Variants in MAD1L1 observed in about 807,000 individuals in gnomAD.
MAD1L1 encodes mitotic spindle assembly checkpoint protein MAD1.
MAD1L1 carries 95 observed loss-of-function variants against 96.9 expected under a neutral mutation model. The ratio of observed to expected loss-of-function variants is 0.98; its 90% CI spans 0.83 to 1.16. The LOEUF is 1.16. Ranked by LOEUF, MAD1L1 falls within the 50% of genes most tolerant of loss-of-function variation. The pLI is 0.00. For missense variants in MAD1L1, 1,007 were observed against 954.4 expected (o/e 1.06, Z -0.73); for synonymous variants, 473 against 396.6 (o/e 1.19, Z -2.29).
Position 2,105,084 on chromosome 7 carries a change from T to C in MAD1L1, c.1074-35746A>G, listed in dbSNP as rs1042938384. On this transcript the variant is annotated intron_variant, in intron 11 of 18. Coordinates refer to ENST00000265854, the MANE Select transcript of MAD1L1 (RefSeq NM_001013836.2). ...GGCCGGACACCGCAGTGAGGGGCTGTTCTGAAAAGAGGTCTGCCGGGAAGA... is the reference window on the plus strand; with the variant it reads ...GGCCGGACACCGCAGTGAGGGGCTGCTCTGAAAAGAGGTCTGCCGGGAAGA... Among the ~76,000 whole-genome samples, 80 of 152,290 alleles carry C rather than the reference T, an allele frequency of 5.3e-4. 1 individual carries two copies. Among genetic ancestry groups the C allele is most frequent in the African/African-American group, 1.8e-3 (76 of 41,560 alleles).
intron 16 of MAD1L1, among the ~76,000 whole-genome samples, chr7:1,945,920 G>A (rs1238511621): frequency 1.3e-5 from 2 of 152,162 alleles, no homozygotes; most frequent in Non-Finnish European, 2.9e-5. Flanking sequence ...GCAGCCTCAA[G>A]ATCCTCCTAC....
intron 13 of MAD1L1, among the ~76,000 whole-genome samples, chr7:2,003,723 C>T (rs1002677314): frequency 3.3e-5 from 5 of 152,180 alleles, no homozygotes; most frequent in Non-Finnish European, 5.9e-5. Flanking sequence ...TGACCAGCCC[C>T]GCCTGCTGCC....
At chr7:1,850,662 C>G (rs1165033289) in intron 18 of MAD1L1, among the ~76,000 whole-genome samples, 1 of 152,188 alleles carries the variant, frequency 6.6e-6, no homozygotes, top group Non-Finnish European at 1.5e-5. Flanking sequence ...CATGGTTGCC[C>G]AAGTTCGCAG....
intron 11 of MAD1L1, among the ~76,000 whole-genome samples, chr7:2,102,798 G>A (rs191443698): frequency 3.3e-5 from 5 of 150,946 alleles, no homozygotes; most frequent in Admixed American, 6.6e-5. Flanking sequence ...GGCCGTCACC[G>A]TCTCCACCGT....
intron 11 of MAD1L1, among the ~76,000 whole-genome samples, chr7:2,140,783 G>A (rs1302016721): frequency 6.6e-6 from 1 of 152,222 alleles, no homozygotes; most frequent in African/African-American, 2.4e-5. Flanking sequence ...CTGGCTTCTG[G>A]AACAATCTCC....
intron 17 of MAD1L1, among the ~76,000 whole-genome samples, chr7:1,921,376 T>C (rs1287491402): frequency 6.6e-6 from 1 of 151,806 alleles, no homozygotes; most frequent in African/African-American, 2.4e-5. Flanking sequence ...TGGAGTGCAA[T>C]GGTGTGATTT....
chr7:1,905,867 T>C (rs577009516), intron 17 of MAD1L1, among the ~76,000 whole-genome samples: 6 of 152,180 alleles, frequency 3.9e-5, no homozygotes, highest in Middle Eastern at 3.4e-3. Flanking sequence ...CTGGCCAACA[T>C]GGTGAAACCC....
chr7:1,949,741 G>C (rs1414051119), intron 16 of MAD1L1, among the ~76,000 whole-genome samples: 1 of 152,244 alleles, frequency 6.6e-6, no homozygotes, highest in East Asian at 1.9e-4. Context: ...CTTGGACGCA[G>C]TGCCTGCAGC....
rs1786012395 is a variant in MAD1L1 at position 2,088,022 on chromosome 7, G to A, written c.1074-18684C>T. 6.6e-6 allele frequency among the ~76,000 whole-genome samples: 1 copy of A among 152,200 alleles called. No individual in the cohort carries two copies. The highest frequency in any genetic ancestry group is 2.1e-4 in the South Asian group (1 of 4,834). ...CACAGCTAACTGGATCCGTTTCCCA[G>A]CAGATCGAGGCTTGAGGCTCTAGGA... On this transcript the variant is annotated intron_variant, in intron 11 of 18. Coordinates refer to ENST00000265854, the MANE Select transcript of MAD1L1 (RefSeq NM_001013836.2). The surrounding 1 kb of genome is among the most constrained non-coding windows in gnomAD (Gnocchi z 4.4).
chr7:2,011,102 G>A (rs954666994), intron 13 of MAD1L1, among the ~76,000 whole-genome samples: 5 of 152,188 alleles, frequency 3.3e-5, no homozygotes, highest in African/African-American at 1.2e-4. Flanking sequence ...GTGGGGTCAG[G>A]AGCCCTCCCC....
At chr7:2,020,375 C>T (rs1782734869) in intron 12 of MAD1L1, among the ~76,000 whole-genome samples, 1 of 152,248 alleles carries the variant, frequency 6.6e-6, no homozygotes, top group Non-Finnish European at 1.5e-5. Context: ...CCGGCCCCGG[C>T]ACCATGCGGC....
At chr7:2,051,740 C>A (rs1258837609) in intron 12 of MAD1L1, among the ~76,000 whole-genome samples, 1 of 140,500 alleles carries the variant, frequency 7.1e-6, no homozygotes, top group Non-Finnish European at 1.5e-5. Context: ...GGTCACCTTG[C>A]TTTCCACCCC....
intron 15 of MAD1L1, among the ~76,000 whole-genome samples, chr7:1,964,942 T>C (rs1043713704): frequency 6.6e-6 from 1 of 152,156 alleles, no homozygotes; most frequent in African/African-American, 2.4e-5. Flanking sequence ...CAGCATCCAG[T>C]CCAGGAAGCC....
intron 16 of MAD1L1, among the ~76,000 whole-genome samples, chr7:1,938,922 C>T (rs1319200546): frequency 7.3e-6 from 1 of 136,910 alleles, no homozygotes; most frequent in Non-Finnish European, 1.6e-5. Flanking sequence ...CACACACACA[C>T]ACACACATAC....
At chr7:1,998,722 C>A (rs1349666864) in intron 14 of MAD1L1, among the ~76,000 whole-genome samples, 1 of 151,676 alleles carries the variant, frequency 6.6e-6, no homozygotes, top group African/African-American at 2.4e-5. Flanking sequence ...GTGTGTCCCC[C>A]ACCAACCCCC....
chr7:2,125,144 C>T (rs1418658210), intron 11 of MAD1L1, among the ~76,000 whole-genome samples: 4 of 152,174 alleles, frequency 2.6e-5, no homozygotes, highest in Admixed American at 1.3e-4. Flanking sequence ...AGAAAGGTTG[C>T]GTCAGACCCC....
intron 11 of MAD1L1, among the ~76,000 whole-genome samples, chr7:2,094,385 T>C (rs1786369594): frequency 6.6e-6 from 1 of 152,172 alleles, no homozygotes; most frequent in Non-Finnish European, 1.5e-5. Flanking sequence ...TTGGAACCTG[T>C]TCACAACACT....
chr7:1,983,144 GCGCGCGCGCGCACACACA>G (rs1418290310), intron 14 of MAD1L1, among the ~76,000 whole-genome samples: 18 of 48,134 alleles, frequency 3.7e-4, no homozygotes, highest in African/African-American at 1.5e-3. Context: ...GCGCGCGCGC[GCGCGCGCGCGCACACACA>G]CACACACACA....
Position 2,192,122 on chromosome 7 carries a change from GTTTTTTGTT to G in MAD1L1, c.986+21081_986+21089del, listed in dbSNP as rs993749231. ...AGCACGTTAAATATAAATCCATGGG[GTTTTTTGTT>G]TTTTTTGTTTTTTTTTGAGATGGAG... On this transcript the variant is annotated intron_variant, in intron 10 of 18. Transcript: ENST00000265854. 1.9e-4 allele frequency among the ~76,000 whole-genome samples: 29 copies of G among 151,792 alleles called. No homozygotes were observed. The East Asian group carries it at 5.2e-3, about 27-fold the overall frequency.
Sources: gnomAD v4.1 joint callset for allele counts (sites outside exome capture counted in the v4.1 genomes callset) on GRCh38, gnomAD v4.1.1 for gene constraint, Gnocchi (gnomAD v3.1) non-coding constraint, MANE v1.5 for transcripts, NCBI Gene and HGNC (gene_info 2026-07-23, HGNC 2026-07-21) for gene names.